Variants in ABCA12 observed in about 807,000 individuals in gnomAD.
ABCA12 encodes ATP binding cassette subfamily A member 12.
In ABCA12, 156 loss-of-function variants were observed where a neutral mutation model predicts 293.5. The ratio of observed to expected loss-of-function variants is 0.53; its 90% confidence interval spans 0.47 to 0.61. The LOEUF is 0.61. Ranked by LOEUF, ABCA12 falls within the 20% of genes least tolerant of loss-of-function variation. The pLI is 0.00. For missense variants in ABCA12, 2,797 were observed against 3,090.2 expected (o/e 0.91, Z 2.25); for synonymous variants, 1,063 against 1,108.0 (o/e 0.96, Z 0.81).
At position 215,006,219 on chromosome 2, in the gene ABCA12, G is replaced by A. The variant is rs375454410; in HGVS notation, c.2592+1508C>T. Among the ~76,000 whole-genome samples, 4 of 152,182 alleles carry A rather than the reference G, an allele frequency of 2.6e-5. No individual in the cohort carries two copies. The East Asian group carries it at 7.7e-4, about 29-fold the overall frequency. ...CTTTAGCTAACAAAACTTTTCTTAAGAAAATCATATGTGGCTTTTTTTTCT... is the reference window on the plus strand; with the variant it reads ...CTTTAGCTAACAAAACTTTTCTTAAAAAAATCATATGTGGCTTTTTTTTCT... On this transcript the variant is annotated intron_variant, in intron 19 of 52. Coordinates refer to ENST00000272895, the MANE Select transcript of ABCA12 (RefSeq NM_173076.3).
rs71041981 is a variant in ABCA12, at chr2:215,016,582, C to CAAAAAAAAAAA, written c.1783-930_1783-920dup. 3.4e-3 allele frequency among the ~76,000 whole-genome samples: 102 copies of CAAAAAAAAAAA among 29,940 alleles called. 27 individuals are homozygous for CAAAAAAAAAAA. Among genetic ancestry groups the CAAAAAAAAAAA allele is most frequent in the Non-Finnish European group, 5.0e-3 (70 of 13,936 alleles). The allele number at this position is 29,940 out of a possible 152,430, so 19.6% of individuals were successfully genotyped here. A position where few individuals can be genotyped will look rare whatever the true frequency, so the allele number is the denominator to read the frequency against. On this transcript the variant is annotated intron_variant, in intron 14 of 52. Transcript: ENST00000272895. The stretch of plus-strand genomic sequence containing the variant: ...TGGGCAACAGACCATGACTCTGTCT[C>CAAAAAAAAAAA]AAAAAAAAAAAAAAAAAAAAAAAAA...
rs115439445 is a variant in ABCA12 at position 215,135,250 on chromosome 2, C to T, written c.69+2890G>A. ...CCGGGATTACAGGCATGAGCCACTGCGCCCAGCCCCAGCATATACTTTTAT... is the reference window on the plus strand; with the variant it reads ...CCGGGATTACAGGCATGAGCCACTGTGCCCAGCCCCAGCATATACTTTTAT... On this transcript the variant is annotated intron_variant, in intron 1 of 52. Coordinates refer to ENST00000272895, the MANE Select transcript of ABCA12 (RefSeq NM_173076.3). Among the ~76,000 whole-genome samples, 1,013 of 152,322 alleles carry T rather than the reference C, an allele frequency of 6.7e-3. 16 individuals are homozygous for T. The highest frequency in any genetic ancestry group is 0.023 in the African/African-American group (942 of 41,578).
rs79683873 is a variant in ABCA12 at position 214,934,718 on chromosome 2, A to G, written c.7543-503T>C. On this transcript the variant is annotated intron_variant, in intron 51 of 52. Transcript: ENST00000272895. Reference sequence around the variant, plus strand: ...CCCAACTCACCCTAAAATTCTTTCCAATTTCTTTATTTCGGTCACCAGTAT... The same window carrying G: ...CCCAACTCACCCTAAAATTCTTTCCGATTTCTTTATTTCGGTCACCAGTAT... Among the ~76,000 whole-genome samples, 444 of 152,212 alleles carry G rather than the reference A, an allele frequency of 2.9e-3. 12 individuals are homozygous for G. The East Asian group carries it at 0.061, about 21-fold the overall frequency.
chr2:214,937,768 G>T (rs1335371984), intron 50 of ABCA12, among the ~76,000 whole-genome samples, 153 bp from the exon 51 acceptor site: 1 of 152,112 alleles, frequency 6.6e-6, no homozygotes, highest in Non-Finnish European at 1.5e-5. Context: ...TTCAGGACAT[G>T]TTGCAAACTG....
At chr2:214,941,781 C>CT (rs57664683) in intron 50 of ABCA12, among the ~76,000 whole-genome samples, 46,277 of 144,838 alleles carry the variant, frequency 0.32, 8,236 homozygotes, top group South Asian at 0.45. Flanking sequence ...GCAACCCCTG[C>CT]TTTTTTTTTT....
At chr2:215,040,654 C>T (rs553722498) in intron 7 of ABCA12, among the ~76,000 whole-genome samples, 6 of 151,608 alleles carry the variant, frequency 4.0e-5, no homozygotes, top group Non-Finnish European at 8.8e-5. Context: ...ACCAAAAATA[C>T]GAAAAAAATT....
chr2:215,057,619 T>A (rs1181748467), intron 3 of ABCA12, among the ~76,000 whole-genome samples: 1 of 152,050 alleles, frequency 6.6e-6, no homozygotes, highest in Non-Finnish European at 1.5e-5. Context: ...GAGATAAATA[T>A]TCCACCAGTA....
At chr2:215,125,863 G>T (rs949367010) in intron 1 of ABCA12, among the ~76,000 whole-genome samples, 12 of 152,090 alleles carry the variant, frequency 7.9e-5, no homozygotes, top group Admixed American at 7.9e-4. Context: ...GGACATCCTT[G>T]TCTTGTTCCA....
chr2:215,106,111 C>G (rs1575047792), intron 2 of ABCA12, among the ~76,000 whole-genome samples: 1 of 152,186 alleles, frequency 6.6e-6, no homozygotes, highest in East Asian at 1.9e-4. Context: ...AAGTCAGCAG[C>G]AAGAGCAAGG....
intron 1 of ABCA12, among the ~76,000 whole-genome samples, chr2:215,114,355 A>G (rs1178732273): frequency 1.3e-5 from 2 of 152,188 alleles, no homozygotes; most frequent in Non-Finnish European, 2.9e-5. Flanking sequence ...ATTTTACATG[A>G]TGAATTTTAA....
intron 41 of ABCA12, among the ~76,000 whole-genome samples, chr2:214,957,484 C>G (rs1698986455): frequency 6.6e-6 from 1 of 152,182 alleles, no homozygotes; most frequent in Admixed American, 6.5e-5. Context: ...ATTAAAGCTC[C>G]TGTTAAGTCC....
At chr2:215,064,811 T>C (rs541557322) in intron 2 of ABCA12, among the ~76,000 whole-genome samples, 1 of 151,932 alleles carries the variant, frequency 6.6e-6, no homozygotes, top group Non-Finnish European at 1.5e-5. Context: ...TGTATTTCAT[T>C]TTATTTTCTT....
chr2:215,081,495 A>AAAAAG lies in ABCA12; in HGVS notation c.164-17277_164-17276insCTTTT, dbSNP rs1553541627. Among the ~76,000 whole-genome samples, 132 of 127,462 alleles carry AAAAAG rather than the reference A, an allele frequency of 1.0e-3. 12 individuals carry two copies. The highest frequency in any genetic ancestry group is 2.2e-3 in the African/African-American group (74 of 34,050). The allele number at this position is 127,462 out of a possible 152,430, so 83.6% of individuals were successfully genotyped here. ...CTCTGTCTCAAAAAAAAAAAAAAGA[A>AAAAAG]AAAGAAAAAAGAAAAAGAAAAAAGA... On this transcript the variant is annotated intron_variant, in intron 2 of 52. Transcript: ENST00000272895.
rs753263602 is a variant in ABCA12 at position 215,019,415 on chromosome 2, C to T, written c.1578G>A (p.Leu526=). ...FLEQALQMNY[L]ENITQLIPII... ...TCGGTATTAACTGAGTGATATTTTC[C>T]AAGTAATTCATTTGCAGTGCCTGTT... The change falls in exon 13 of 53, where the codon TTG becomes TTA. Residue 526 remains leucine (L), a synonymous_variant. Transcript: ENST00000272895. 1.9e-6 allele frequency: 3 copies of T among 1,613,906 alleles called. No homozygotes were observed. Among genetic ancestry groups the T allele is most frequent in the South Asian group, 1.1e-5 (1 of 91,064 alleles).
At chr2:214,963,810 C>G (rs773930558) in intron 39 of ABCA12, among the ~76,000 whole-genome samples, 1 of 149,202 alleles carries the variant, frequency 6.7e-6, no homozygotes, top group East Asian at 2.0e-4. Flanking sequence ...ATCCCACCTA[C>G]TTGGGAGGCT....
At chr2:214,986,763 CAAGT>C in intron 27 of ABCA12, 35 bp from the exon 28 acceptor site, 4 of 1,587,138 alleles carry the variant, frequency 2.5e-6, no homozygotes, top group Non-Finnish European at 3.5e-6. Context: ...TGTAAACTCA[CAAGT>C]AAGGTAATGC....
chr2:215,019,910 G>T, intron 11 of ABCA12, 114 bp from the exon 12 acceptor site: 1 of 1,290,574 alleles, frequency 7.7e-7, no homozygotes, highest in Non-Finnish European at 1.1e-6. Flanking sequence ...TTCTGCCTAT[G>T]TATGTGGTTA....
intron 13 of ABCA12, 59 bp downstream of exon 13, chr2:215,019,277 A>G: frequency 6.7e-7 from 1 of 1,485,170 alleles, no homozygotes; most frequent in Non-Finnish European, 9.4e-7. Flanking sequence ...CTTAAACTGC[A>G]GCGTGAGAAT....
chr2:214,937,570 T>G lies in ABCA12; in HGVS notation c.7482A>C (p.Lys2494Asn). ...FTVKVHLKNN[K>N]VTMETLTKFM... ...ACTTTGTGAGGGTCTCCATGGTCAC[T>G]TTGTTATTCTTCAAGTGAACTTTGA... The change falls in exon 51 of 53, where the codon AAA (lysine) becomes AAC (asparagine). Residue 2494 changes from lysine (K) to asparagine (N), a missense_variant. By Grantham distance (94) the Lys-to-Asn change is moderately conservative (BLOSUM62 0). Around this residue, in one of 3 missense-constraint regions of ABCA12, gnomAD observed 2,130 missense variants for 2,427.0 expected, o/e 0.88. Transcript: ENST00000272895. The G allele has an allele frequency of 6.2e-7, 1 of 1,613,970 alleles. No individual in the cohort carries two copies. The highest frequency in any genetic ancestry group is 2.2e-5 in the East Asian group (1 of 44,866).
Sources: allele counts gnomAD v4.1 joint callset (sites outside exome capture counted in the v4.1 genomes callset), GRCh38; gene constraint gnomAD v4.1.1; regional missense constraint gnomAD v4.1.1; transcripts MANE v1.5; gene names NCBI Gene and HGNC (gene_info 2026-07-23, HGNC 2026-07-21).